GPC5: variants seen among roughly 807,000 people sequenced by gnomAD.
GPC5 encodes the protein glypican-5.
In GPC5, 47 loss-of-function variants were observed where a neutral mutation model predicts 53.9. The ratio of observed to expected loss-of-function variants is 0.87; its 90% CI spans 0.69 to 1.11. The LOEUF (loss-of-function observed/expected upper bound fraction) is 1.11. GPC5 is among the 50% of genes most tolerant of loss of function. GPC5 has a pLI of 0.00. For synonymous variants in GPC5, 286 were observed against 263.3 expected, an observed-to-expected ratio of 1.09 and a Z score of -0.84; for missense variants, 748 against 713.1, an observed-to-expected ratio of 1.05 and a Z score of -0.56.
At chr13:91,750,549 A>G (rs2037149367) in intron 4 of GPC5, among the ~76,000 whole-genome samples, 1 of 152,204 alleles carries the variant, frequency 6.6e-6, no homozygotes, top group Non-Finnish European at 1.5e-5. Context: ...TATTTTGTTC[A>G]TTGAAATATT....
chr13:91,545,093 A>G (rs903580835), intron 2 of GPC5, among the ~76,000 whole-genome samples: 1 of 152,208 alleles, frequency 6.6e-6, no homozygotes, highest in Non-Finnish European at 1.5e-5. Flanking sequence ...ACTAGTCTCC[A>G]AAATTGCACA....
At chr13:91,410,416 G>T (rs906315261) in intron 1 of GPC5, among the ~76,000 whole-genome samples, 1 of 140,616 alleles carries the variant, frequency 7.1e-6, no homozygotes, top group African/African-American at 2.7e-5. Context: ...CACGATCTTG[G>T]CTCACTGCAA....
intron 7 of GPC5, among the ~76,000 whole-genome samples, chr13:92,561,057 T>G (rs1453613524): frequency 2.0e-5 from 3 of 151,870 alleles, no homozygotes; most frequent in Admixed American, 2.0e-4. Flanking sequence ...TGGACCACAT[T>G]TGTGGAATGA....
At chr13:91,878,137 C>T (rs927490882) in intron 5 of GPC5, among the ~76,000 whole-genome samples, 2 of 152,060 alleles carry the variant, frequency 1.3e-5, no homozygotes, top group African/African-American at 2.4e-5. Context: ...TGTAAACAGA[C>T]TAATACAACT....
chr13:92,022,247 C>T (rs189728295), intron 6 of GPC5, among the ~76,000 whole-genome samples: 93 of 152,246 alleles, frequency 6.1e-4, no homozygotes, highest in African/African-American at 2.2e-3. Context: ...GTGATACACC[C>T]GCCTTGGCAT....
At chr13:91,456,677 T>C (rs1881579995) in intron 2 of GPC5, among the ~76,000 whole-genome samples, 1 of 152,048 alleles carries the variant, frequency 6.6e-6, no homozygotes, top group African/African-American at 2.4e-5. Flanking sequence ...TCAATATTTA[T>C]GAATTCTTTA....
chr13:91,535,871 T>C (rs779724210), intron 2 of GPC5, among the ~76,000 whole-genome samples: 5 of 152,192 alleles, frequency 3.3e-5, no homozygotes, highest in Non-Finnish European at 7.3e-5. Context: ...TAATAATAAC[T>C]GGTGAGGACT....
rs531568515 is a variant in GPC5 at position 92,520,474 on chromosome 13, C to A, written c.1562-345808C>A. 3.2e-4 allele frequency among the ~76,000 whole-genome samples: 48 copies of A among 152,210 alleles called. 1 individual carries two copies. Among genetic ancestry groups the A allele is most frequent in the Middle Eastern group, 3.4e-3 (1 of 294 alleles). Reference sequence around the variant, plus strand: ...ATCCCTGGGATGCAAGCTGCTTCAACATACACAAATCAATAAACATAATCC... The same window carrying A: ...ATCCCTGGGATGCAAGCTGCTTCAAAATACACAAATCAATAAACATAATCC... On this transcript the variant is annotated intron_variant, in intron 7 of 7. Coordinates refer to ENST00000377067, the MANE Select transcript of GPC5 (RefSeq NM_004466.6).
At chr13:92,484,922 G>C (rs1023094465) in intron 7 of GPC5, among the ~76,000 whole-genome samples, 14 of 152,004 alleles carry the variant, frequency 9.2e-5, no homozygotes, top group Middle Eastern at 3.4e-3. Context: ...ATTTTTAGTA[G>C]AGATGGATTT....
intron 7 of GPC5, among the ~76,000 whole-genome samples, chr13:92,518,964 G>C (rs575797061): frequency 2.0e-5 from 3 of 152,222 alleles, no homozygotes; most frequent in African/African-American, 7.2e-5. Flanking sequence ...ACAAAAAAAG[G>C]CAGGGGTTGC....
At chr13:91,711,791 A>G (rs974306473) in intron 3 of GPC5, among the ~76,000 whole-genome samples, 2 of 152,144 alleles carry the variant, frequency 1.3e-5, no homozygotes, top group South Asian at 4.1e-4. Context: ...CATTTTAATA[A>G]TTGTGCATTA....
At chr13:91,794,269 A>T (rs2038014360) in intron 5 of GPC5, among the ~76,000 whole-genome samples, 1 of 152,166 alleles carries the variant, frequency 6.6e-6, no homozygotes, top group South Asian at 2.1e-4. Context: ...TAGAGGGCTG[A>T]TTTCTAGGGT....
chr13:92,638,924 T>C (rs1443185182), intron 7 of GPC5, among the ~76,000 whole-genome samples: 1 of 152,200 alleles, frequency 6.6e-6, no homozygotes, highest in African/African-American at 2.4e-5. Flanking sequence ...TAGATACAAA[T>C]ACAGATTTTG....
intron 7 of GPC5, among the ~76,000 whole-genome samples, chr13:92,197,502 A>G (rs972231187): frequency 1.3e-5 from 2 of 151,992 alleles, no homozygotes; most frequent in African/African-American, 4.8e-5. Context: ...ATTTTTTCCT[A>G]TTGGGGTTTG....
At chr13:91,844,785 G>A (rs1338830027) in intron 5 of GPC5, among the ~76,000 whole-genome samples, 1 of 152,072 alleles carries the variant, frequency 6.6e-6, no homozygotes, top group Admixed American at 6.5e-5. Context: ...GAGTGCAGTG[G>A]TGCTATCTCG....
chr13:91,665,820 A>ATCAG (rs1435133776), intron 2 of GPC5, among the ~76,000 whole-genome samples: 4 of 152,108 alleles, frequency 2.6e-5, no homozygotes, highest in African/African-American at 9.7e-5. Context: ...CAGTCATTTG[A>ATCAG]GTTCAGGTGT....
intron 7 of GPC5, among the ~76,000 whole-genome samples, chr13:92,581,905 T>C (rs1000185636): frequency 2.6e-5 from 4 of 152,224 alleles, no homozygotes; most frequent in African/African-American, 9.6e-5. Flanking sequence ...TTTTATCAGA[T>C]TTTCTGTTTT....
chr13:91,603,767 A>G (rs1244018896), intron 2 of GPC5, among the ~76,000 whole-genome samples: 2 of 152,080 alleles, frequency 1.3e-5, no homozygotes, highest in South Asian at 2.1e-4. Flanking sequence ...TACAATATGG[A>G]CTTATCTCTC....
At chr13:92,714,538 C>T (rs1417583123) in intron 7 of GPC5, among the ~76,000 whole-genome samples, 2 of 152,190 alleles carry the variant, frequency 1.3e-5, no homozygotes, top group East Asian at 3.9e-4. Context: ...ACTGACAAAG[C>T]TTTTCTACCT....
Sources: gnomAD v4.1 joint callset for allele counts (sites outside exome capture counted in the v4.1 genomes callset) on GRCh38, gnomAD v4.1.1 for gene constraint, MANE v1.5 for transcripts, NCBI Gene and HGNC (gene_info 2026-07-23, HGNC 2026-07-21) for gene names.